ZBBX: variants seen among roughly 807,000 people sequenced by gnomAD.
The protein encoded by ZBBX is zinc finger B-box domain-containing protein 1.
In ZBBX, 101 loss-of-function variants were observed where a neutral mutation model predicts 108.5. That is an observed-to-expected ratio of 0.93 (90% CI 0.79 to 1.10). The LOEUF (loss-of-function observed/expected upper bound fraction) is 1.10. Ranked by LOEUF, ZBBX falls within the 50% of genes least tolerant of loss-of-function variation. ZBBX has a pLI of 0.00. For missense variants in ZBBX, 1,009 were observed against 941.4 expected, an observed-to-expected ratio of 1.07 and a Z score of -0.94; for synonymous variants, 356 against 323.4, an observed-to-expected ratio of 1.10 and a Z score of -1.08.
At chr3:167,368,841 G>A in intron 4 of ZBBX, 1 of 569,322 alleles carries the variant, frequency 1.8e-6, no homozygotes, top group South Asian at 6.3e-5. Flanking sequence ...TCATATATAA[G>A]GCATGTTTTT....
At chr3:167,368,413 T>C (rs1410320041) in intron 5 of ZBBX, 48 bp downstream of exon 5, 1 of 1,308,642 alleles carries the variant, frequency 7.6e-7, no homozygotes, top group Non-Finnish European at 1.1e-6. Context: ...AATAGTTCTT[T>C]ATATAATTTA....
chr3:167,267,115 C>T (rs1440951404), intron 20 of ZBBX, among the ~76,000 whole-genome samples: 2 of 152,222 alleles, frequency 1.3e-5, no homozygotes, highest in Non-Finnish European at 2.9e-5. Context: ...GTAACAATTA[C>T]CACTGCTGTG....
intron 12 of ZBBX, among the ~76,000 whole-genome samples, chr3:167,321,167 T>C (rs1156483595): frequency 6.6e-6 from 1 of 151,990 alleles, no homozygotes; most frequent in Non-Finnish European, 1.5e-5. Context: ...CCCATCTGTA[T>C]ATCTTCTTTT....
chr3:167,398,158 C>T (rs1748309827), intron 1 of ZBBX, among the ~76,000 whole-genome samples: 1 of 151,984 alleles, frequency 6.6e-6, no homozygotes, highest in Non-Finnish European at 1.5e-5. Context: ...TGAATCTCTA[C>T]AATGGAAAAC....
intron 18 of ZBBX, among the ~76,000 whole-genome samples, chr3:167,294,135 G>T (rs544285308): frequency 5.3e-5 from 8 of 152,160 alleles, no homozygotes; most frequent in Non-Finnish European, 1.2e-4. Flanking sequence ...GTAATTTATA[G>T]ATTCAATCCT....
At chr3:167,399,356 A>C (rs1363426797) in intron 1 of ZBBX, 1 of 152,172 alleles carries the variant, frequency 6.6e-6, no homozygotes, top group Non-Finnish European at 1.5e-5. Flanking sequence ...ATCCCAGTAT[A>C]TCTACAACTG....
intron 15 of ZBBX, among the ~76,000 whole-genome samples, chr3:167,314,461 A>C (rs1735100389): frequency 6.6e-6 from 1 of 152,212 alleles, no homozygotes; most frequent in Admixed American, 6.5e-5. Flanking sequence ...GATGAAATCA[A>C]GGCTTTACTA....
At chr3:167,339,423 T>C (rs973688257) in intron 9 of ZBBX, among the ~76,000 whole-genome samples, 1 of 152,146 alleles carries the variant, frequency 6.6e-6, no homozygotes, top group Non-Finnish European at 1.5e-5. Flanking sequence ...ATTTTTCATT[T>C]TGGTAAAAAT....
chr3:167,346,361 A>C (rs1200746008), intron 9 of ZBBX, among the ~76,000 whole-genome samples: 4 of 151,902 alleles, frequency 2.6e-5, no homozygotes, highest in African/African-American at 9.7e-5. Flanking sequence ...AAATTACAAC[A>C]CTAGTCAACA....
intron 18 of ZBBX, among the ~76,000 whole-genome samples, chr3:167,296,543 G>A (rs184638003): frequency 1.3e-5 from 2 of 152,060 alleles, no homozygotes; most frequent in East Asian, 3.9e-4. Flanking sequence ...AGGATACAAA[G>A]TCAATAGGCA....
chr3:167,257,349 C>T (rs1723700016), intron 20 of ZBBX, among the ~76,000 whole-genome samples: 1 of 152,038 alleles, frequency 6.6e-6, no homozygotes, highest in African/African-American at 2.4e-5. Context: ...ATCATTTATC[C>T]ACAAACAAGG....
intron 12 of ZBBX, among the ~76,000 whole-genome samples, chr3:167,318,762 T>G (rs981695814): frequency 2.6e-4 from 39 of 151,910 alleles, no homozygotes; most frequent in African/African-American, 8.2e-4. Context: ...CATAAAGTCA[T>G]ATGGACCACA....
chr3:167,351,321 G>A (rs1216894483), intron 8 of ZBBX, among the ~76,000 whole-genome samples: 1 of 152,242 alleles, frequency 6.6e-6, no homozygotes, highest in African/African-American at 2.4e-5. Context: ...TGGATGTCAG[G>A]TTCAAGATGG....
chr3:167,284,913 T>A (rs1729442430), intron 19 of ZBBX, among the ~76,000 whole-genome samples: 1 of 152,144 alleles, frequency 6.6e-6, no homozygotes, highest in Non-Finnish European at 1.5e-5. Context: ...AACACAACAT[T>A]AACACTGGCA....
intron 15 of ZBBX, among the ~76,000 whole-genome samples, chr3:167,314,685 G>A (rs569523711): frequency 1.6e-4 from 24 of 152,050 alleles, no homozygotes; most frequent in East Asian, 7.7e-4. Flanking sequence ...ATATTCAACC[G>A]AAAAGGCCCT....
At chr3:167,389,070 C>A (rs1245463746) in intron 1 of ZBBX, among the ~76,000 whole-genome samples, 4 of 151,870 alleles carry the variant, frequency 2.6e-5, no homozygotes, top group Non-Finnish European at 5.9e-5. Flanking sequence ...TTCAACCCAC[C>A]ATCTAGGTTT....
At chr3:167,256,185 C>T (rs1723477904) in intron 20 of ZBBX, among the ~76,000 whole-genome samples, 1 of 152,128 alleles carries the variant, frequency 6.6e-6, no homozygotes. Context: ...ATATGTACCA[C>T]ATTTTCTTTA....
the ZBBX span, among the ~76,000 whole-genome samples, chr3:167,217,714 A>C: frequency 2.6e-5 from 4 of 152,088 alleles, no homozygotes; most frequent in African/African-American, 9.7e-5. Flanking sequence ...AATCAACCTA[A>C]ATGCCCATCG....
the ZBBX span, among the ~76,000 whole-genome samples, chr3:167,226,818 A>T: frequency 6.6e-6 from 1 of 151,708 alleles, no homozygotes. Context: ...AGAAATATGA[A>T]TGGAAGTGGC....
Sources: gnomAD v4.1 joint callset for allele counts (sites outside exome capture counted in the v4.1 genomes callset) on GRCh38, gnomAD v4.1.1 for gene constraint, MANE v1.5 for transcripts, NCBI Gene and HGNC (gene_info 2026-07-23, HGNC 2026-07-21) for gene names.